The following C19orf44 variants were observed in gnomAD, a reference collection of about 807,000 sequenced individuals.
C19orf44 encodes the protein chromosome 19 open reading frame 44.
In C19orf44, 43 loss-of-function variants were observed where a neutral mutation model predicts 50.7. The observed-to-expected ratio is 0.85, with a 90% CI of 0.66 to 1.09. The LOEUF (loss-of-function observed/expected upper bound fraction) is 1.09. Ranked by LOEUF, C19orf44 falls within the 50% of genes least tolerant of loss-of-function variation. The pLI, the probability that C19orf44 is intolerant of heterozygous loss-of-function variation, is 0.00. For synonymous variants in C19orf44, 298 were observed against 334.7 expected (o/e 0.89, Z 1.20); for missense variants, 722 against 836.2 (o/e 0.86, Z 1.68).
intron 3 of C19orf44, among the ~76,000 whole-genome samples, chr19:16,505,273 G>C (rs1250288535): frequency 6.6e-6 from 1 of 150,614 alleles, no homozygotes; most frequent in Non-Finnish European, 1.5e-5. Flanking sequence ...GAGTGCAATG[G>C]CGTGATCTTG....
In C19orf44 at chr19:16,503,099, G is replaced by T. The variant is rs1475603952; in HGVS notation, c.794G>T (p.Ser265Ile). The change falls in exon 3 of 9, where the codon AGC (serine) becomes ATC (isoleucine). Residue 265 changes from serine (S) to isoleucine (I), a missense_variant. Physicochemically the swap from Ser to Ile is moderately radical, Grantham distance 142. Coordinates refer to ENST00000221671, the MANE Select transcript of C19orf44 (RefSeq NM_032207.4). The stretch of plus-strand genomic sequence containing the variant: ...CAACTGAGAGCATTTACTGTACCCA[G>T]CGTGGAACTCTCCAGCGCAAAGCCT... ...PSQLRAFTVP[S>I]VELSSAKPSQ... 6.2e-7 allele frequency: 1 copy of T among 1,613,868 alleles called. No individual in the cohort carries two copies. Among genetic ancestry groups the T allele is most frequent in the African/African-American group, 1.3e-5 (1 of 74,886 alleles).
chr19:16,513,654 G>C (rs1473044794), intron 6 of C19orf44, among the ~76,000 whole-genome samples: 2 of 152,194 alleles, frequency 1.3e-5, no homozygotes, highest in Non-Finnish European at 2.9e-5. Flanking sequence ...AAAGTTCTGG[G>C]ATCACAGGCC....
chr19:16,517,738 C>T (rs75413270), intron 8 of C19orf44, among the ~76,000 whole-genome samples: 3,244 of 150,938 alleles, frequency 0.021, 115 homozygotes, highest in Admixed American at 0.082. Flanking sequence ...AAGCCCTGCT[C>T]GAGGGTAAGG....
In C19orf44 at chr19:16,500,983, T is replaced by C. The variant is rs1260836516; in HGVS notation, c.191T>C (p.Leu64Pro). The stretch of plus-strand genomic sequence containing the variant: ...ACTCTAGATGAGAAACACTTACTCC[T>C]GAAAGAGAACCCTGTGCTCGGGAGT... ...NQTLDEKHLL[L>P]KENPVLGSGP... Residue 64 changes from leucine to proline, a missense_variant, in exon 2 of 9, where the codon CTG (leucine) becomes CCG (proline). Transcript: ENST00000221671. 2 of 1,613,572 alleles carry C rather than the reference T, an allele frequency of 1.2e-6. No homozygotes were observed. Among genetic ancestry groups the C allele is most frequent in the Non-Finnish European group, 1.7e-6 (2 of 1,179,888 alleles).
chr19:16,520,716 G>C lies in C19orf44; in HGVS notation c.*663G>C. Reference sequence around the variant, plus strand: ...GCCTTGTGGAAAACACCGCCCCATAGGCACAGGCTGTGTGAGGGTGGACGT... The same window carrying C: ...GCCTTGTGGAAAACACCGCCCCATACGCACAGGCTGTGTGAGGGTGGACGT... On this transcript the variant is annotated 3_prime_UTR_variant, in exon 9 of 9. Transcript: ENST00000221671. This position sits in a 1 kb window ranked among gnomAD's most constrained non-coding sequence, Gnocchi z 4.0. 1.6e-6 allele frequency: 2 copies of C among 1,232,952 alleles called. No individual in the cohort carries two copies. The highest frequency in any genetic ancestry group is 2.4e-6 in the Non-Finnish European group (2 of 845,274). 76.4% of individuals were successfully genotyped at this position (1,232,952 alleles called of 1,614,324 possible).
chr19:16,513,941 C>G (rs1307328597), intron 6 of C19orf44, among the ~76,000 whole-genome samples: 1 of 152,028 alleles, frequency 6.6e-6, no homozygotes, highest in Non-Finnish European at 1.5e-5. Flanking sequence ...GCTTGTGATA[C>G]ACGTAGGGGT....
chr19:16,497,170 A>G (rs1057406268), intron 1 of C19orf44, among the ~76,000 whole-genome samples: 2 of 151,364 alleles, frequency 1.3e-5, no homozygotes, highest in Non-Finnish European at 2.9e-5. Context: ...CTGGTCTCGA[A>G]CTCCTGACCT....
Position 16,503,067 on chromosome 19 carries a change from C to T in C19orf44, c.762C>T (p.Val254=), listed in dbSNP as rs2093430306. Reference sequence around the variant, plus strand: ...TAATTTCAAGTGTTTTATATCAGGTCCCATCTCAACTGAGAGCATTTACTG... The same window carrying T: ...TAATTTCAAGTGTTTTATATCAGGTTCCATCTCAACTGAGAGCATTTACTG... The part of the protein sequence containing the change: ...SEEEERKLFS[V]PSQLRAFTVP... The change falls in exon 3 of 9, where the codon GTC becomes GTT. Residue 254 remains valine (V), a splice_region_variant and synonymous_variant. Transcript: ENST00000221671. The T allele has an allele frequency of 1.2e-6, 2 of 1,609,060 alleles. No homozygotes were observed. Among genetic ancestry groups the T allele is most frequent in the South Asian group, 1.1e-5 (1 of 90,980 alleles).
intron 6 of C19orf44, 109 bp downstream of exon 6, chr19:16,513,218 AG>A: frequency 1.8e-6 from 2 of 1,091,972 alleles, no homozygotes; most frequent in African/African-American, 1.6e-5. Context: ...GCTGGCTTCC[AG>A]GGGTCCATTG....
intron 6 of C19orf44, 108 bp from the exon 7 acceptor site, chr19:16,514,386 GAAA>G (rs371373484): frequency 4.0e-5 from 38 of 948,954 alleles, no homozygotes; most frequent in African/African-American, 1.4e-4. Context: ...CCTGTCTCCA[GAAA>G]AAAAAAAAAA....
chr19:16,514,431 T>TG (rs377427270), intron 6 of C19orf44, 66 bp from the exon 7 acceptor site: 118,504 of 877,052 alleles, frequency 0.14, 37 homozygotes, highest in Non-Finnish European at 0.15. Flanking sequence ...ACCTGAGCGG[T>TG]GGGGGGGGGG....
chr19:16,510,472 C>T (rs1015720734), intron 5 of C19orf44, among the ~76,000 whole-genome samples: 1 of 152,110 alleles, frequency 6.6e-6, no homozygotes, highest in Admixed American at 6.6e-5. Flanking sequence ...CAGCCGCCCT[C>T]GTGTGTCCCG....
intron 1 of C19orf44, among the ~76,000 whole-genome samples, chr19:16,497,008 C>T (rs1326870303): frequency 6.6e-6 from 1 of 152,062 alleles, no homozygotes; most frequent in Non-Finnish European, 1.5e-5. Flanking sequence ...TGGCACGCGC[C>T]TGTAGTCCCA....
Position 16,509,728 on chromosome 19 carries a change from T to C in C19orf44, c.1379T>C (p.Met460Thr). 1.2e-6 allele frequency: 2 copies of C among 1,614,220 alleles called. No homozygotes were observed. Among genetic ancestry groups the C allele is most frequent in the Non-Finnish European group, 1.7e-6 (2 of 1,180,044 alleles). The stretch of plus-strand genomic sequence containing the variant: ...ATGCAGCCACCATCTGAAGCCCCCA[T>C]GGTGAACACAGTCAGCTCAGCTTAT... ...SSMQPPSEAP[M>T]VNTVSSAYSE... The change falls in exon 5 of 9, where the codon ATG becomes ACG. Residue 460 changes from methionine (M) to threonine (T), a missense_variant. Met to Thr is a moderately conservative substitution (Grantham distance 81). Coordinates refer to ENST00000221671, the MANE Select transcript of C19orf44 (RefSeq NM_032207.4).
intron 8 of C19orf44, chr19:16,518,013 C>G (rs2085561238): frequency 6.6e-6 from 1 of 152,214 alleles, no homozygotes. Context: ...TACAGGAAAT[C>G]TAGAACAAAA....
Position 16,503,431 on chromosome 19 carries a change from C to T in C19orf44, c.1075+51C>T, listed in dbSNP as rs1489641759. 20 of 1,554,166 alleles carry T rather than the reference C, an allele frequency of 1.3e-5. 1 individual carries two copies. The East Asian group carries it at 4.5e-4, about 35-fold the overall frequency. On this transcript the variant is annotated intron_variant, in intron 3 of 8. Coordinates refer to ENST00000221671, the MANE Select transcript of C19orf44 (RefSeq NM_032207.4). ...AGTACCTTGGGCAGGAAGGGTGGGG[C>T]CACCTTTAGAGTCCCTGACGCAGTG...
chr19:16,514,023 T>C (rs1019292837), intron 6 of C19orf44, among the ~76,000 whole-genome samples: 2 of 151,958 alleles, frequency 1.3e-5, no homozygotes, highest in Non-Finnish European at 2.9e-5. Flanking sequence ...AGTCTTGCCC[T>C]GTCACCCAGG....
chr19:16,512,488 C>T (rs1427881521), intron 5 of C19orf44, among the ~76,000 whole-genome samples: 3 of 152,042 alleles, frequency 2.0e-5, no homozygotes, highest in African/African-American at 7.3e-5. Context: ...CACCGCTGCA[C>T]CCAGCTAGGA....
At chr19:16,513,499 T>G (rs1353261140) in intron 6 of C19orf44, among the ~76,000 whole-genome samples, 2 of 152,180 alleles carry the variant, frequency 1.3e-5, no homozygotes, top group African/African-American at 4.8e-5. Flanking sequence ...TTCTCCTGCC[T>G]CAGCCTCCCG....
Sources: gnomAD v4.1 joint callset for allele counts (sites outside exome capture counted in the v4.1 genomes callset) on GRCh38, gnomAD v4.1.1 for gene constraint, Gnocchi (gnomAD v3.1) non-coding constraint, MANE v1.5 for transcripts, NCBI Gene and HGNC (gene_info 2026-07-23, HGNC 2026-07-21) for gene names.